FSTL5: variants seen among roughly 807,000 people sequenced by gnomAD.
FSTL5 encodes the protein follistatin-related protein 5.
A neutral mutation model predicts 89.1 loss-of-function variants in FSTL5; 62 were observed. The ratio of observed to expected loss-of-function variants is 0.70; its 90% CI spans 0.57 to 0.86. FSTL5 has a LOEUF of 0.86. FSTL5 is among the 40% of genes least tolerant of loss of function. The probability of loss-of-function intolerance (pLI) is 0.00; values close to 1 mark genes in which losing one functional copy is unlikely to be tolerated. For missense variants in FSTL5, 1,057 were observed against 1,001.6 expected, an observed-to-expected ratio of 1.06 and a Z score of -0.75; for synonymous variants, 383 against 346.2, an observed-to-expected ratio of 1.11 and a Z score of -1.18.
intron 6 of FSTL5, among the ~76,000 whole-genome samples, chr4:161,750,042 T>C (rs997364175): frequency 3.9e-5 from 6 of 152,116 alleles, no homozygotes; most frequent in Non-Finnish European, 7.4e-5. Context: ...CTTTCTAAAG[T>C]AAATATTCTA....
chr4:162,068,381 C>A (rs1729441276), intron 2 of FSTL5, among the ~76,000 whole-genome samples: 1 of 151,936 alleles, frequency 6.6e-6, no homozygotes, highest in Admixed American at 6.6e-5. Flanking sequence ...GAATAGAGAA[C>A]CCAGAAATAA....
At chr4:161,929,700 T>C (rs1734233375) in intron 3 of FSTL5, among the ~76,000 whole-genome samples, 1 of 151,052 alleles carries the variant, frequency 6.6e-6, no homozygotes, top group Non-Finnish European at 1.5e-5. Context: ...TGTGTGTGTG[T>C]GTACATAGTT....
At chr4:161,841,123 C>T (rs955150465) in intron 4 of FSTL5, among the ~76,000 whole-genome samples, 3 of 152,120 alleles carry the variant, frequency 2.0e-5, no homozygotes, top group African/African-American at 7.2e-5. Context: ...GAGAATGGGA[C>T]CTTACTGTTA....
At chr4:161,935,865 A>G (rs1734418488) in intron 3 of FSTL5, among the ~76,000 whole-genome samples, 1 of 152,170 alleles carries the variant, frequency 6.6e-6, no homozygotes, top group African/African-American at 2.4e-5. Context: ...AGAATTGAAG[A>G]CCTTCTCCTA....
intron 3 of FSTL5, among the ~76,000 whole-genome samples, chr4:162,021,806 G>A (rs1737095137): frequency 6.6e-6 from 1 of 151,824 alleles, no homozygotes; most frequent in South Asian, 2.1e-4. Context: ...GAGATAAGAA[G>A]TTATGGCTGG....
chr4:161,824,564 A>T (rs944618371), intron 4 of FSTL5, among the ~76,000 whole-genome samples: 1 of 152,120 alleles, frequency 6.6e-6, no homozygotes, highest in Admixed American at 6.5e-5. Flanking sequence ...CTAGCCATAC[A>T]TGAGCATGGG....
Position 161,861,266 on chromosome 4 carries a change from T to C in FSTL5, c.409+59138A>G, listed in dbSNP as rs545401789. ...GGTGAAACCCCGTATCTACTAAAAA[T>C]ACAAAAAATAGCAGGCCATGGTGGT... On this transcript the variant is annotated intron_variant, in intron 4 of 15. Transcript: ENST00000306100. Among the ~76,000 whole-genome samples, 167 of 152,046 alleles carry C rather than the reference T, an allele frequency of 1.1e-3. 1 individual carries two copies. Among genetic ancestry groups the C allele is most frequent in the African/African-American group, 3.9e-3 (162 of 41,480 alleles).
chr4:161,843,955 T>G (rs1452581515), intron 4 of FSTL5, among the ~76,000 whole-genome samples: 2 of 152,194 alleles, frequency 1.3e-5, no homozygotes, highest in Middle Eastern at 3.4e-3. Flanking sequence ...GGAATCTAAT[T>G]AAACTAAAGA....
Position 161,530,085 on chromosome 4 carries a change from T to C in FSTL5, c.1312+8081A>G, listed in dbSNP as rs979650951. The stretch of plus-strand genomic sequence containing the variant: ...GAAGTATTTCCTCATTCTATAGAAA[T>C]AGAAAGTAAATGAAGACTAAAGAGG... On this transcript the variant is annotated intron_variant, in intron 10 of 15. Coordinates refer to ENST00000306100, the MANE Select transcript of FSTL5 (RefSeq NM_020116.5). Among the ~76,000 whole-genome samples the C allele has an allele frequency of 2.8e-5, 4 of 143,188 alleles. 1 individual carries two copies. Among genetic ancestry groups the C allele is most frequent in the African/African-American group, 5.0e-5 (2 of 40,122 alleles). 93.9% of individuals were successfully genotyped at this position (143,188 alleles called of 152,430 possible). A position where few individuals can be genotyped will look rare whatever the true frequency, so the allele number is the denominator to read the frequency against.
At chr4:161,869,610 A>C (rs530739689) in intron 4 of FSTL5, among the ~76,000 whole-genome samples, 72 of 151,718 alleles carry the variant, frequency 4.7e-4, no homozygotes, top group Middle Eastern at 3.4e-3. Context: ...CACAATTGTG[A>C]GTGTTACTGG....
At chr4:162,148,632 A>G (rs1246632783) in intron 1 of FSTL5, among the ~76,000 whole-genome samples, 1 of 152,218 alleles carries the variant, frequency 6.6e-6, no homozygotes, top group Admixed American at 6.5e-5. Context: ...TCCACTGTCA[A>G]TAATAAATTA....
intron 2 of FSTL5, among the ~76,000 whole-genome samples, chr4:162,062,586 T>C (rs1738755928): frequency 6.6e-6 from 1 of 151,626 alleles, no homozygotes; most frequent in Non-Finnish European, 1.5e-5. Context: ...TTTATATCCA[T>C]ATAGAACATC....
At chr4:161,876,951 G>C (rs1360710602) in intron 4 of FSTL5, among the ~76,000 whole-genome samples, 3 of 151,940 alleles carry the variant, frequency 2.0e-5, no homozygotes, top group Non-Finnish European at 4.4e-5. Context: ...TTGGGAGGCC[G>C]AGACAGGCGG....
chr4:161,688,468 T>C (rs1259424161), intron 6 of FSTL5, among the ~76,000 whole-genome samples: 3 of 152,144 alleles, frequency 2.0e-5, no homozygotes, highest in African/African-American at 4.8e-5. Flanking sequence ...TTAGTAGCTA[T>C]ACAGAATCAT....
chr4:162,142,602 T>C (rs1185340647), intron 1 of FSTL5, among the ~76,000 whole-genome samples: 1 of 152,080 alleles, frequency 6.6e-6, no homozygotes, highest in Non-Finnish European at 1.5e-5. Flanking sequence ...TTCATGCTAA[T>C]AAAAATGATC....
At chr4:161,660,863 C>T (rs1482243470) in intron 6 of FSTL5, among the ~76,000 whole-genome samples, 1 of 151,976 alleles carries the variant, frequency 6.6e-6, no homozygotes, top group African/African-American at 2.4e-5. Context: ...TTTTGTTTAT[C>T]CAGTGTATCA....
chr4:161,702,111 C>T (rs1203672487), intron 6 of FSTL5, among the ~76,000 whole-genome samples: 4 of 152,100 alleles, frequency 2.6e-5, no homozygotes, highest in Non-Finnish European at 5.9e-5. Flanking sequence ...CATTCTCCTA[C>T]TTAAAACTAT....
intron 12 of FSTL5, among the ~76,000 whole-genome samples, chr4:161,499,017 G>A (rs1730197094): frequency 2.0e-5 from 3 of 152,092 alleles, no homozygotes; most frequent in Middle Eastern, 3.4e-3. Context: ...TGGCCAACAT[G>A]GTGAAACCAC....
chr4:161,791,283 A>C (rs1238393386), intron 4 of FSTL5, among the ~76,000 whole-genome samples: 1 of 152,206 alleles, frequency 6.6e-6, no homozygotes, highest in Admixed American at 6.5e-5. Flanking sequence ...GATCATTTAC[A>C]CACTAAGGAA....
Sources: allele counts gnomAD v4.1 joint callset (sites outside exome capture counted in the v4.1 genomes callset), GRCh38; gene constraint gnomAD v4.1.1; transcripts MANE v1.5; gene names NCBI Gene and HGNC (gene_info 2026-07-23, HGNC 2026-07-21).